The following KCNQ5 variants were observed in gnomAD, a reference collection of about 807,000 sequenced individuals.
The protein encoded by KCNQ5 is potassium voltage-gated channel subfamily Q member 5.
KCNQ5 carries 30 observed loss-of-function variants against 98.2 expected under a neutral mutation model. The observed-to-expected ratio is 0.31, with a 90% CI of 0.23 to 0.41. The LOEUF is 0.41. KCNQ5 is among the 10% of genes least tolerant of loss of function. The pLI is 1.00. For synonymous variants in KCNQ5, 458 were observed against 449.4 expected (o/e 1.02, Z -0.24); for missense variants, 835 against 1,182.5 (o/e 0.71, Z 4.31).
At chr6:72,861,103 A>AG (rs1777745317) in intron 1 of KCNQ5, among the ~76,000 whole-genome samples, 1 of 151,694 alleles carries the variant, frequency 6.6e-6, no homozygotes, top group Non-Finnish European at 1.5e-5. Flanking sequence ...TCCCAGACTG[A>AG]TAGGATTAGA....
intron 1 of KCNQ5, among the ~76,000 whole-genome samples, chr6:72,917,968 G>A (rs1780229582): frequency 1.3e-5 from 2 of 152,118 alleles, no homozygotes; most frequent in Admixed American, 1.3e-4. Context: ...ATGTTTAGCA[G>A]CATCCTTACT....
At chr6:73,096,154 C>CA (rs1402819451) in intron 5 of KCNQ5, among the ~76,000 whole-genome samples, 1 of 152,008 alleles carries the variant, frequency 6.6e-6, no homozygotes, top group East Asian at 1.9e-4. Flanking sequence ...TGTTCAAGGA[C>CA]AGGAGGCATC....
At chr6:72,847,453 A>G (rs1464892407) in intron 1 of KCNQ5, among the ~76,000 whole-genome samples, 3 of 152,188 alleles carry the variant, frequency 2.0e-5, no homozygotes, top group African/African-American at 7.2e-5. Context: ...GAGCCACTGC[A>G]TCCAACAGAG....
At position 73,123,460 on chromosome 6, in the gene KCNQ5, A is replaced by T. The variant is rs545920647; in HGVS notation, c.1221-1026A>T. ...AACAGGATGAAAGAGAGGTCTAAGA[A>T]ACAGCTGTGCAGGGCAGAGAGAAAT... On this transcript the variant is annotated intron_variant, in intron 8 of 13. Coordinates refer to ENST00000370398, the MANE Select transcript of KCNQ5 (RefSeq NM_019842.4). 5.9e-5 allele frequency among the ~76,000 whole-genome samples: 9 copies of T among 152,256 alleles called. No individual in the cohort carries two copies. In the East Asian group the frequency reaches 1.7e-3, roughly 29 times the overall value.
chr6:73,119,592 T>C (rs1775660727), intron 7 of KCNQ5, among the ~76,000 whole-genome samples: 1 of 152,236 alleles, frequency 6.6e-6, no homozygotes, highest in Non-Finnish European at 1.5e-5. Flanking sequence ...GTTCTGCTTC[T>C]TGATATCACT....
At chr6:73,020,474 G>C (rs1344660515) in intron 2 of KCNQ5, among the ~76,000 whole-genome samples, 1 of 152,082 alleles carries the variant, frequency 6.6e-6, no homozygotes, top group African/African-American at 2.4e-5. Flanking sequence ...CATCCTTCAG[G>C]AACCTCCAGA....
intron 1 of KCNQ5, among the ~76,000 whole-genome samples, chr6:72,824,829 A>G (rs1197769947): frequency 6.6e-6 from 1 of 151,764 alleles, no homozygotes. Flanking sequence ...TCTTTATACT[A>G]TAGATTATAA....
At chr6:72,958,244 T>C (rs1396678714) in intron 1 of KCNQ5, among the ~76,000 whole-genome samples, 2 of 152,190 alleles carry the variant, frequency 1.3e-5, no homozygotes, top group Admixed American at 6.5e-5. Context: ...TGTGATAGCC[T>C]CCCCATCCCC....
intron 1 of KCNQ5, among the ~76,000 whole-genome samples, chr6:72,978,971 TC>T (rs1020752272): frequency 6.6e-6 from 1 of 152,220 alleles, no homozygotes; most frequent in African/African-American, 2.4e-5. Flanking sequence ...AATGATGGTT[TC>T]CAGCTTCATC....
chr6:72,824,623 G>A (rs2150117276), intron 1 of KCNQ5, among the ~76,000 whole-genome samples: 1 of 152,168 alleles, frequency 6.6e-6, no homozygotes, highest in South Asian at 2.1e-4. Flanking sequence ...TAATGATAAG[G>A]AGAAAAATAA....
chr6:73,024,594 C>A (rs1430654083), intron 2 of KCNQ5, among the ~76,000 whole-genome samples: 1 of 152,158 alleles, frequency 6.6e-6, no homozygotes, highest in Non-Finnish European at 1.5e-5. Flanking sequence ...AAAATAAAAT[C>A]TTCACATAAT....
intron 10 of KCNQ5, among the ~76,000 whole-genome samples, chr6:73,159,785 A>G (rs1777536042): frequency 6.6e-6 from 1 of 152,188 alleles, no homozygotes; most frequent in Non-Finnish European, 1.5e-5. Context: ...TTCCTTATAC[A>G]TTGTGGATAT....
chr6:72,950,569 T>A (rs1156815179), intron 1 of KCNQ5, among the ~76,000 whole-genome samples: 2 of 152,214 alleles, frequency 1.3e-5, no homozygotes, highest in Non-Finnish European at 2.9e-5. Context: ...TCCAGTGGCA[T>A]GAGCCTGCTG....
chr6:72,918,806 A>C (rs915079590), intron 1 of KCNQ5, among the ~76,000 whole-genome samples: 13 of 152,176 alleles, frequency 8.5e-5, no homozygotes, highest in Non-Finnish European at 2.9e-5. Context: ...AGGGTGAAAG[A>C]ACTAAAATCA....
intron 6 of KCNQ5, among the ~76,000 whole-genome samples, chr6:73,106,572 T>C (rs1775010479): frequency 6.6e-6 from 1 of 152,246 alleles, no homozygotes; most frequent in South Asian, 2.1e-4. Context: ...CTCTTCTTCC[T>C]GTGTCTTCAC....
chr6:73,123,228 A>G (rs1166441600), intron 8 of KCNQ5, among the ~76,000 whole-genome samples: 1 of 152,160 alleles, frequency 6.6e-6, no homozygotes, highest in Admixed American at 6.5e-5. Flanking sequence ...GTTAGATGGC[A>G]TTAAGTGCTA....
intron 1 of KCNQ5, among the ~76,000 whole-genome samples, chr6:72,732,973 C>G (rs1770633052): frequency 6.6e-6 from 1 of 152,146 alleles, no homozygotes; most frequent in African/African-American, 2.4e-5. Flanking sequence ...AAAAGTATTA[C>G]TCTTCATAAA....
chr6:73,054,131 A>C (rs1332993482), intron 3 of KCNQ5, among the ~76,000 whole-genome samples: 1 of 152,192 alleles, frequency 6.6e-6, no homozygotes, highest in Non-Finnish European at 1.5e-5. Flanking sequence ...ACAACCTTCC[A>C]AGATTGAACC....
At chr6:73,063,664 A>AGTT (rs1562155901) in intron 3 of KCNQ5, among the ~76,000 whole-genome samples, 2 of 57,508 alleles carry the variant, frequency 3.5e-5, no homozygotes, top group African/African-American at 8.1e-5. Flanking sequence ...ATAGATAGAT[A>AGTT]GATGATAGAT....
Sources: allele counts gnomAD v4.1 joint callset (sites outside exome capture counted in the v4.1 genomes callset), GRCh38; gene constraint gnomAD v4.1.1; transcripts MANE v1.5; gene names NCBI Gene and HGNC (gene_info 2026-07-23, HGNC 2026-07-21).